The following DTWD2 variants were observed in gnomAD, a reference collection of about 807,000 sequenced individuals.
DTWD2 encodes the protein DTW motif tRNA-uridine aminocarboxypropyltransferase 2.
In DTWD2, 39 loss-of-function variants were observed where a neutral mutation model predicts 31.8. The observed-to-expected ratio is 1.22, with a 90% confidence interval of 0.95 to 1.60. DTWD2 has a LOEUF of 1.60. Ranked by LOEUF, DTWD2 falls within the 40% of genes most tolerant of loss-of-function variation. The probability of loss-of-function intolerance (pLI) is 0.00; values close to 1 mark genes in which losing one functional copy is unlikely to be tolerated. For synonymous variants in DTWD2, 180 were observed against 142.8 expected (o/e 1.26, Z -1.86); for missense variants, 515 against 381.5 (o/e 1.35, Z -2.92).
At chr5:118,928,864 A>G in intron 3 of DTWD2, 135 bp from the exon 4 acceptor site, 1 of 727,216 alleles carries the variant, frequency 1.4e-6, no homozygotes, top group Non-Finnish European at 2.0e-6. Flanking sequence ...TTAGTTTATA[A>G]AGTATGAATT....
chr5:118,883,185 A>G (rs1211981857), intron 4 of DTWD2, among the ~76,000 whole-genome samples: 1 of 152,246 alleles, frequency 6.6e-6, no homozygotes, highest in Non-Finnish European at 1.5e-5. Flanking sequence ...AAATTCAGCC[A>G]GTCTCTTTGC....
At chr5:118,938,012 C>T (rs1171889186) in intron 3 of DTWD2, among the ~76,000 whole-genome samples, 1 of 152,120 alleles carries the variant, frequency 6.6e-6, no homozygotes, top group Non-Finnish European at 1.5e-5. Flanking sequence ...ACAATGTATA[C>T]ATACATCAAA....
At chr5:118,858,969 T>C (rs962764536) in intron 4 of DTWD2, among the ~76,000 whole-genome samples, 2 of 152,162 alleles carry the variant, frequency 1.3e-5, no homozygotes, top group Non-Finnish European at 2.9e-5. Flanking sequence ...GTATTTCCCA[T>C]TGTATCACAT....
chr5:118,982,680 T>C (rs1219875409), intron 1 of DTWD2, among the ~76,000 whole-genome samples: 1 of 149,946 alleles, frequency 6.7e-6, no homozygotes, highest in Non-Finnish European at 1.5e-5. Flanking sequence ...CAAAATAGTT[T>C]GTTTTCTTTT....
At chr5:118,882,956 T>A (rs771853040) in intron 4 of DTWD2, among the ~76,000 whole-genome samples, 2 of 152,194 alleles carry the variant, frequency 1.3e-5, no homozygotes, top group African/African-American at 2.4e-5. Context: ...CCCCAGAAAA[T>A]GGGTTTTTGT....
At chr5:118,952,197 G>A (rs141853319) in intron 1 of DTWD2, among the ~76,000 whole-genome samples, 2,806 of 152,266 alleles carry the variant, frequency 0.018, 76 homozygotes, top group African/African-American at 0.063. Context: ...TCTTTCTCAC[G>A]GAGCAAAGAG....
At chr5:118,885,153 TAA>T (rs1554064416) in intron 4 of DTWD2, among the ~76,000 whole-genome samples, 5 of 132,552 alleles carry the variant, frequency 3.8e-5, no homozygotes, top group Admixed American at 7.6e-5. Context: ...TACAAAAAAT[TAA>T]AAAAAAAAAA....
chr5:118,960,296 A>G (rs937137679), intron 1 of DTWD2, among the ~76,000 whole-genome samples: 6 of 152,224 alleles, frequency 3.9e-5, no homozygotes, highest in African/African-American at 1.4e-4. Flanking sequence ...AAAATGAGAC[A>G]TATATACGGC....
intron 3 of DTWD2, among the ~76,000 whole-genome samples, 165 bp from the exon 4 acceptor site, chr5:118,928,894 T>G (rs1414868777): frequency 6.6e-6 from 1 of 152,212 alleles, no homozygotes; most frequent in East Asian, 1.9e-4. Flanking sequence ...CAAAATTTTG[T>G]GTACTCTCTA....
rs143999094 is a variant in DTWD2 at position 118,870,261 on chromosome 5, T to C, written c.598-22043A>G. Among the ~76,000 whole-genome samples, 648 of 152,332 alleles carry C rather than the reference T, an allele frequency of 4.3e-3. 8 individuals are homozygous for C. Among genetic ancestry groups the C allele is most frequent in the East Asian group, 0.029 (152 of 5,188 alleles). On this transcript the variant is annotated intron_variant, in intron 4 of 5. Transcript: ENST00000510708. ...TCACATACACATATGCATAATGACG[T>C]TTACTATAGCACTGCTTACATAATA...
chr5:118,901,261 G>A (rs1423314717), intron 4 of DTWD2, among the ~76,000 whole-genome samples: 1 of 152,068 alleles, frequency 6.6e-6, no homozygotes, highest in Non-Finnish European at 1.5e-5. Context: ...GTAAAAAAGG[G>A]GAGGGGAGAA....
intron 4 of DTWD2, among the ~76,000 whole-genome samples, chr5:118,897,440 A>G (rs1440423891): frequency 6.6e-6 from 1 of 152,254 alleles, no homozygotes; most frequent in Admixed American, 6.5e-5. Context: ...ACTGGTGTTC[A>G]TATACATAAT....
intron 5 of DTWD2, among the ~76,000 whole-genome samples, chr5:118,842,004 A>G (rs1418346900): frequency 6.6e-6 from 1 of 152,190 alleles, no homozygotes; most frequent in Non-Finnish European, 1.5e-5. Flanking sequence ...AGAAAACCCC[A>G]CATGAATTAA....
At chr5:118,929,328 G>T (rs886538220) in intron 3 of DTWD2, among the ~76,000 whole-genome samples, 1 of 152,190 alleles carries the variant, frequency 6.6e-6, no homozygotes, top group Non-Finnish European at 1.5e-5. Context: ...TTAGGAGTAT[G>T]CACCTGTAAC....
At chr5:118,841,657 A>T (rs1020037706) in intron 5 of DTWD2, among the ~76,000 whole-genome samples, 3 of 152,194 alleles carry the variant, frequency 2.0e-5, no homozygotes, top group Admixed American at 1.3e-4. Flanking sequence ...AAATACCTAT[A>T]GGCCAGCCAT....
chr5:118,936,343 A>T (rs1754044137), intron 3 of DTWD2, among the ~76,000 whole-genome samples: 1 of 152,132 alleles, frequency 6.6e-6, no homozygotes, highest in South Asian at 2.1e-4. Context: ...GTTCAAGACC[A>T]GCCTGGGCAA....
chr5:118,953,762 T>C (rs1275047263), intron 1 of DTWD2, among the ~76,000 whole-genome samples: 1 of 152,160 alleles, frequency 6.6e-6, no homozygotes, highest in Non-Finnish European at 1.5e-5. Flanking sequence ...GCCACAAGGA[T>C]GCCAGCAGAA....
At chr5:118,975,011 C>T (rs981075417) in intron 1 of DTWD2, among the ~76,000 whole-genome samples, 1 of 152,108 alleles carries the variant, frequency 6.6e-6, no homozygotes, top group African/African-American at 2.4e-5. Flanking sequence ...CTTGGGGTTG[C>T]TCTTCTCAAG....
Position 118,928,725 on chromosome 5 carries a change from G to A in DTWD2, c.409C>T (p.Pro137Ser). Reference sequence around the variant, plus strand: ...TTCCGGCAAACAGTTGAAAGTTCAGGATCTCTGAAAAAGTTTTTTAAAAAT... The same window carrying A: ...TTCCGGCAAACAGTTGAAAGTTCAGAATCTCTGAAAAAGTTTTTTAAAAAT... ...IGRRFSEERDPELSTVCRKSG... is the reference protein window; with the variant it reads ...IGRRFSEERDSELSTVCRKSG... The change falls in exon 4 of 6, where the codon CCT becomes TCT. Residue 137 changes from proline to serine, a missense_variant. By Grantham distance (74) the Pro-to-Ser change is moderately conservative. Coordinates refer to ENST00000510708, the MANE Select transcript of DTWD2 (RefSeq NM_173666.4). 1.3e-6 allele frequency: 2 copies of A among 1,550,932 alleles called. No homozygotes were observed. The highest frequency in any genetic ancestry group is 2.6e-5 in the South Asian group (2 of 76,816).
Sources: allele counts gnomAD v4.1 joint callset (sites outside exome capture counted in the v4.1 genomes callset), GRCh38; gene constraint gnomAD v4.1.1; transcripts MANE v1.5; gene names NCBI Gene and HGNC (gene_info 2026-07-23, HGNC 2026-07-21).